The following CYTH2 variants were observed in gnomAD, a reference collection of about 807,000 sequenced individuals.
CYTH2 encodes cytohesin 2.
A neutral mutation model predicts 55.4 loss-of-function variants in CYTH2; 24 were observed. The observed-to-expected ratio is 0.43, with a 90% CI of 0.31 to 0.61. CYTH2 has a LOEUF of 0.61. CYTH2 is among the 20% of genes least tolerant of loss of function. The probability of loss-of-function intolerance (pLI) is 0.08; values close to 1 mark genes in which losing one functional copy is unlikely to be tolerated. For missense variants in CYTH2, 378 were observed against 533.5 expected (o/e 0.71, Z 2.87); for synonymous variants, 221 against 209.6 (o/e 1.05, Z -0.47).
At chr19:48,471,830 G>A (rs1414876664) in intron 3 of CYTH2, among the ~76,000 whole-genome samples, 2 of 152,228 alleles carry the variant, frequency 1.3e-5, no homozygotes, top group African/African-American at 2.4e-5. Flanking sequence ...AGGGAGGATT[G>A]CTTGAAGCCA....
rs557093699 is a variant in CYTH2, at chr19:48,474,201, C to G, written c.567C>G (p.Ser189=). 6.2e-7 allele frequency: 1 copy of G among 1,605,130 alleles called. No individual in the cohort carries two copies. The highest frequency in any genetic ancestry group is 1.1e-5 in the South Asian group (1 of 89,516). ...FQSTDTCYVL[S]FAVIMLNTSL... is the part of the protein sequence containing the mutation. ...GTGCAGACACGTGCTATGTGCTGTCCTTCGCCGTCATCATGCTCAACACCA... is the reference window on the plus strand; with the variant it reads ...GTGCAGACACGTGCTATGTGCTGTCGTTCGCCGTCATCATGCTCAACACCA... Residue 189 remains serine, a synonymous_variant, in exon 7 of 12, where the codon TCC becomes TCG. Transcript: ENST00000452733. This position sits in a 1 kb window ranked among gnomAD's most constrained non-coding sequence, Gnocchi z 4.9.
At position 48,478,328 on chromosome 19, in the gene CYTH2, G is replaced by A. The variant is rs776938908; in HGVS notation, c.939G>A (p.Val313=). 8 of 1,613,906 alleles carry A rather than the reference G, an allele frequency of 5.0e-6. No homozygotes were observed. Among genetic ancestry groups the A allele is most frequent in the Non-Finnish European group, 5.9e-6 (7 of 1,180,010 alleles). ...IPLENLSIRE[V]DDPRKPNCFE... Reference sequence around the variant, plus strand: ...TGGAGAATCTGAGCATCCGAGAGGTGGACGACCCCCGGAAACCGGTAAGAC... The same window carrying A: ...TGGAGAATCTGAGCATCCGAGAGGTAGACGACCCCCGGAAACCGGTAAGAC... Residue 313 remains valine (V), a synonymous_variant, in exon 10 of 12, where the codon GTG becomes GTA. Transcript: ENST00000452733.
Position 48,479,434 on chromosome 19 carries a change from C to T in CYTH2, c.*224C>T, listed in dbSNP as rs1972009059. Reference sequence around the variant, plus strand: ...TTGGGGTTGACAGAGTCGAGGTGCTCCGTGGAGCCAGCCTGTTTCCCTGGA... The same window carrying T: ...TTGGGGTTGACAGAGTCGAGGTGCTTCGTGGAGCCAGCCTGTTTCCCTGGA... On this transcript the variant is annotated 3_prime_UTR_variant, in exon 12 of 12. Coordinates refer to ENST00000452733, the MANE Select transcript of CYTH2 (RefSeq NM_004228.7). 60 of 528,336 alleles carry T rather than the reference C, an allele frequency of 1.1e-4. 2 individuals carry two copies. The South Asian group carries it at 1.3e-3, about 11-fold the overall frequency. 32.7% of individuals were successfully genotyped at this position (528,336 alleles called of 1,614,324 possible). A position where few individuals can be genotyped will look rare whatever the true frequency, so the allele number is the denominator to read the frequency against.
intron 8 of CYTH2, 191 bp downstream of exon 8, chr19:48,475,140 T>C: frequency 3.5e-6 from 2 of 572,990 alleles, no homozygotes; most frequent in Non-Finnish European, 6.1e-6. Flanking sequence ...GCCTGGCCTG[T>C]AGTAAGTACT....
In CYTH2 at chr19:48,474,969, C is replaced by T. The variant is rs752664352; in HGVS notation, c.808+20C>T. 1.1e-5 allele frequency: 17 copies of T among 1,608,148 alleles called. No individual in the cohort carries two copies. The highest frequency in any genetic ancestry group is 3.3e-5 in the South Asian group (3 of 90,912). On this transcript the variant is annotated intron_variant, in intron 8 of 11. Transcript: ENST00000452733. This position sits in a 1 kb window ranked among gnomAD's most constrained non-coding sequence, Gnocchi z 4.9. ...AGCTGGGTACGTGCCCTCCCGACCC[C>T]GCTGGTCCCTCCGCAGGAGGACATT...
chr19:48,472,079 A>G (rs1971809152), intron 3 of CYTH2, among the ~76,000 whole-genome samples: 1 of 152,178 alleles, frequency 6.6e-6, no homozygotes, highest in Non-Finnish European at 1.5e-5. Context: ...TGTACTGAGC[A>G]CCTGTGCCTT....
rs1440048128 is a variant in CYTH2 at position 48,482,130 on chromosome 19, G to A, written c.*2920G>A. ...GCCTCAGGGATGAGGGAGGTCCTCA[G>A]TGAGTGCACCTGCCCAGTCTTGAAC... is the stretch of plus-strand genomic sequence containing the variant. On this transcript the variant is annotated 3_prime_UTR_variant, in exon 12 of 12. Coordinates refer to ENST00000452733, the MANE Select transcript of CYTH2 (RefSeq NM_004228.7). 6 of 152,224 alleles carry A rather than the reference G, an allele frequency of 3.9e-5. No individual in the cohort carries two copies. Among genetic ancestry groups the A allele is most frequent in the Admixed American group, 3.9e-4 (6 of 15,280 alleles). The allele number at this position is 152,224 out of a possible 1,614,324, so 9.4% of individuals were successfully genotyped here.
At position 48,469,408 on chromosome 19, in the gene CYTH2, C is replaced by T. The variant is rs1249533919; in HGVS notation, c.-100C>T. ...GCGCTGAGGAGGCGGCGGTGGCTCC[C>T]GGGGCGTTTGAGCGGGCTCACCCGA... On this transcript the variant is annotated 5_prime_UTR_variant, in exon 1 of 12. Coordinates refer to ENST00000452733, the MANE Select transcript of CYTH2 (RefSeq NM_004228.7). The T allele has an allele frequency of 3.9e-6, 5 of 1,268,484 alleles. No individual in the cohort carries two copies. The highest frequency in any genetic ancestry group is 6.3e-5 in the East Asian group (2 of 31,666). The allele number at this position is 1,268,484 out of a possible 1,614,324, so 78.6% of individuals were successfully genotyped here. A position where few individuals can be genotyped will look rare whatever the true frequency, so the allele number is the denominator to read the frequency against.
intron 8 of CYTH2, 90 bp from the exon 9 acceptor site, chr19:48,477,979 G>C (rs1288713277): frequency 1.9e-6 from 2 of 1,059,916 alleles, no homozygotes; most frequent in Non-Finnish European, 2.8e-6. Context: ...CACCTCTACC[G>C]CTCTTGCTCT....
intron 8 of CYTH2, chr19:48,475,573 ACACG>A: frequency 1.3e-5 from 2 of 155,980 alleles, no homozygotes; most frequent in South Asian, 3.9e-4. Flanking sequence ...CTTCGTCATA[ACACG>A]TGGCACTGGC....
At position 48,478,427 on chromosome 19, in the gene CYTH2, C is replaced by G; in HGVS notation, c.958-11C>G. 1.2e-6 allele frequency: 2 copies of G among 1,613,478 alleles called. No individual in the cohort carries two copies. Among genetic ancestry groups the G allele is most frequent in the East Asian group, 2.2e-5 (1 of 44,852 alleles). On this transcript the variant is annotated splice_polypyrimidine_tract_variant and intron_variant, in intron 10 of 11. Coordinates refer to ENST00000452733, the MANE Select transcript of CYTH2 (RefSeq NM_004228.7). ...TGGTTCTTACCTGCGCCCTTCCTCT[C>G]TCGTCCCCAGAACTGCTTTGAACTT...
intron 4 of CYTH2, chr19:48,472,715 G>A (rs1971829045): frequency 4.1e-6 from 2 of 491,560 alleles, no homozygotes; most frequent in East Asian, 8.0e-5. Flanking sequence ...GAAGGGTAGA[G>A]AACATCTCTC....
rs367679964 is a variant in CYTH2 at position 48,479,124 on chromosome 19, G to T, written c.1114G>T (p.Ala372Ser). The change falls in exon 12 of 12, where the codon GCG (alanine) becomes TCG (serine). Residue 372 changes from alanine (A) to serine (S), a missense_variant and splice_region_variant. By Grantham distance (99) the Ala-to-Ser change is moderately conservative. Coordinates refer to ENST00000452733, the MANE Select transcript of CYTH2 (RefSeq NM_004228.7). ...EKDEWIKSIQ[A>S]AVSVDPFYEM... ...CCTGGGACCCCTCCCCTTCTGCAGGGCGGCTGTGAGTGTGGACCCCTTCTA... is the reference window on the plus strand; with the variant it reads ...CCTGGGACCCCTCCCCTTCTGCAGGTCGGCTGTGAGTGTGGACCCCTTCTA... The T allele has an allele frequency of 6.2e-7, 1 of 1,614,040 alleles. No individual in the cohort carries two copies. Among genetic ancestry groups the T allele is most frequent in the East Asian group, 2.2e-5 (1 of 44,876 alleles).
In CYTH2 at chr19:48,473,950, T is replaced by G; in HGVS notation, c.480T>G (p.Ile160Met). The G allele has an allele frequency of 6.2e-7, 1 of 1,613,856 alleles. No individual in the cohort carries two copies. Among genetic ancestry groups the G allele is most frequent in the Non-Finnish European group, 8.5e-7 (1 of 1,179,864 alleles). Residue 160 changes from isoleucine (I) to methionine (M), a missense_variant, in exon 6 of 12, where the codon ATT becomes ATG. Ile to Met is a conservative substitution (Grantham distance 10, BLOSUM62 1). Transcript: ENST00000452733. The part of the protein sequence containing the change: ...SFRLPGEAQK[I>M]DRMMEAFAQR... ...GCCTACCCGGAGAGGCCCAGAAAAT[T>G]GACCGGATGATGGAGGCCTTCGCCC...
intron 11 of CYTH2, 32 bp from the exon 12 acceptor site, chr19:48,479,091 G>T: frequency 6.2e-7 from 1 of 1,609,640 alleles, no homozygotes; most frequent in Non-Finnish European, 8.5e-7. Context: ...GGACTCCTTG[G>T]CCCTCATCCT....
chr19:48,470,190 C>CT, intron 1 of CYTH2, 163 bp from the exon 2 acceptor site: 1 of 1,119,164 alleles, frequency 8.9e-7, no homozygotes, highest in Non-Finnish European at 1.3e-6. Context: ...AGCCCCAGCT[C>CT]TTTCTCCTCT....
In CYTH2 at chr19:48,478,535, T is replaced by C; in HGVS notation, c.1055T>C (p.Val352Ala). 1 of 1,613,916 alleles carries C rather than the reference T, an allele frequency of 6.2e-7. No individual in the cohort carries two copies. Among genetic ancestry groups the C allele is most frequent in the Non-Finnish European group, 8.5e-7 (1 of 1,179,948 alleles). ...DGRVVEGNHM[V>A]YRISAPTQEE... ...CGAGTGGTGGAGGGAAACCACATGG[T>C]GTACCGGATCTCGGCCCCCACGCAG... Residue 352 changes from valine (V) to alanine (A), a missense_variant, in exon 11 of 12, where the codon GTG becomes GCG. Coordinates refer to ENST00000452733, the MANE Select transcript of CYTH2 (RefSeq NM_004228.7).
rs986454999 is a variant in CYTH2 at position 48,470,066 on chromosome 19, C to T, written c.20-287C>T. 2.6e-5 allele frequency: 17 copies of T among 644,300 alleles called. No homozygotes were observed. In the East Asian group the frequency reaches 4.7e-4, roughly 18 times the overall value. The allele number at this position is 644,300 out of a possible 1,614,324, so 39.9% of individuals were successfully genotyped here. A position where few individuals can be genotyped will look rare whatever the true frequency, so the allele number is the denominator to read the frequency against. On this transcript the variant is annotated intron_variant, in intron 1 of 11. Coordinates refer to ENST00000452733, the MANE Select transcript of CYTH2 (RefSeq NM_004228.7). ...CAAGTAATGGACCTAGAAGCCGAGG[C>T]CCCCAGCCCTTTCTTCCCTCAGATC...
At chr19:48,473,512 T>A (rs1337318525) in intron 5 of CYTH2, 134 bp downstream of exon 5, 10 of 855,632 alleles carry the variant, frequency 1.2e-5, no homozygotes, top group Non-Finnish European at 1.9e-6. Flanking sequence ...ACTGAGTGTG[T>A]CCTGCACCAT....
Sources: gnomAD v4.1 joint callset for allele counts (sites outside exome capture counted in the v4.1 genomes callset) on GRCh38, gnomAD v4.1.1 for gene constraint, Gnocchi (gnomAD v3.1) non-coding constraint, MANE v1.5 for transcripts, NCBI Gene and HGNC (gene_info 2026-07-23, HGNC 2026-07-21) for gene names.